SVOPL: variants seen among roughly 807,000 people sequenced by gnomAD.
The protein encoded by SVOPL is SVOP like.
Under a neutral mutation model 61.0 loss-of-function variants are expected in SVOPL, and 60 were observed. The ratio of observed to expected loss-of-function variants is 0.98; its 90% confidence interval spans 0.80 to 1.22. SVOPL has a LOEUF of 1.22. SVOPL is among the 50% of genes most tolerant of loss of function. SVOPL has a pLI of 0.00. For synonymous variants in SVOPL, 279 were observed against 250.0 expected (o/e 1.12, Z -1.09); for missense variants, 662 against 643.9 (o/e 1.03, Z -0.30).
chr7:138,618,478 C>T (rs1035450982), intron 14 of SVOPL, among the ~76,000 whole-genome samples: 4 of 151,854 alleles, frequency 2.6e-5, no homozygotes, highest in Non-Finnish European at 2.9e-5. Flanking sequence ...TGGCCAACAT[C>T]GCGAAACCCC....
intron 14 of SVOPL, among the ~76,000 whole-genome samples, chr7:138,608,863 A>G (rs1179349539): frequency 1.3e-5 from 2 of 152,324 alleles, no homozygotes; most frequent in South Asian, 4.1e-4. Flanking sequence ...AGAATGAAAG[A>G]CAAATAACAA....
At chr7:138,644,363 GAA>G (rs1012045934) in intron 9 of SVOPL, among the ~76,000 whole-genome samples, 1 of 152,064 alleles carries the variant, frequency 6.6e-6, no homozygotes, top group African/African-American at 2.4e-5. Flanking sequence ...TCAGAGATAT[GAA>G]AAAAGTCATG....
intron 4 of SVOPL, among the ~76,000 whole-genome samples, chr7:138,667,608 A>G (rs1385864163): frequency 1.3e-5 from 2 of 152,200 alleles, no homozygotes; most frequent in Non-Finnish European, 2.9e-5. Context: ...CAGACATGTA[A>G]CCATTTGCCT....
chr7:138,615,854 A>G (rs1451967602), intron 14 of SVOPL, among the ~76,000 whole-genome samples: 1 of 143,652 alleles, frequency 7.0e-6, no homozygotes, highest in Non-Finnish European at 1.5e-5. Context: ...AAATTTTTTA[A>G]AAAATAAAAC....
Position 138,678,309 on chromosome 7 carries a change from C to T in SVOPL, c.174+125G>A, listed in dbSNP as rs550859899. ...CGGTGCCCCATCCACCTTGGGCACACGTTCTCAGGACCTCCTGAGGGCTGT... is the reference window on the plus strand; with the variant it reads ...CGGTGCCCCATCCACCTTGGGCACATGTTCTCAGGACCTCCTGAGGGCTGT... On this transcript the variant is annotated intron_variant, in intron 3 of 15. Transcript: ENST00000674285. 72 of 963,426 alleles carry T rather than the reference C, an allele frequency of 7.5e-5. 1 individual carries two copies. The African/African-American group carries it at 7.9e-4, about 11-fold the overall frequency. The allele number at this position is 963,426 out of a possible 1,614,324, so 59.7% of individuals were successfully genotyped here. A position where few individuals can be genotyped will look rare whatever the true frequency, so the allele number is the denominator to read the frequency against.
Position 138,666,089 on chromosome 7 carries a change from C to T in SVOPL, c.274-2944G>A, listed in dbSNP as rs1435719095. Among the ~76,000 whole-genome samples, 6 of 152,340 alleles carry T rather than the reference C, an allele frequency of 3.9e-5. No individual in the cohort carries two copies. The East Asian group carries it at 9.6e-4, about 24-fold the overall frequency. On this transcript the variant is annotated intron_variant, in intron 4 of 15. Transcript: ENST00000674285. ...CTGTTCTACCTCGGACTGATGCCACCGTTGTTACTGATCCTTGTAGCCAAG... is the reference window on the plus strand; with the variant it reads ...CTGTTCTACCTCGGACTGATGCCACTGTTGTTACTGATCCTTGTAGCCAAG...
intron 6 of SVOPL, among the ~76,000 whole-genome samples, chr7:138,659,313 G>A (rs942727503): frequency 9.2e-5 from 14 of 152,144 alleles, no homozygotes; most frequent in African/African-American, 2.6e-4. Flanking sequence ...CCAACATGGC[G>A]AAACCCCGTC....
intron 6 of SVOPL, among the ~76,000 whole-genome samples, chr7:138,658,267 C>A (rs2117066016): frequency 6.6e-6 from 1 of 152,170 alleles, no homozygotes; most frequent in East Asian, 1.9e-4. Flanking sequence ...CACTCTAGTT[C>A]GATCCCATCT....
intron 10 of SVOPL, 80 bp from the exon 11 acceptor site, chr7:138,628,443 A>G (rs761578800): frequency 1.7e-5 from 24 of 1,431,292 alleles, no homozygotes; most frequent in Non-Finnish European, 2.2e-5. Flanking sequence ...ACCAAGTGGA[A>G]CGTGTAGCAT....
chr7:138,610,682 C>T (rs1221838647), intron 14 of SVOPL, among the ~76,000 whole-genome samples: 3 of 152,202 alleles, frequency 2.0e-5, no homozygotes, highest in Non-Finnish European at 4.4e-5. Context: ...TCCACTAGGC[C>T]TTGACCTTGC....
intron 9 of SVOPL, among the ~76,000 whole-genome samples, chr7:138,643,684 CGT>C (rs1429933859): frequency 7.1e-6 from 1 of 140,138 alleles, no homozygotes; most frequent in Non-Finnish European, 1.5e-5. Flanking sequence ...TATGATTCTA[CGT>C]GTGAGGGATC....
chr7:138,698,465 A>G (rs1163018294), intron 1 of SVOPL, among the ~76,000 whole-genome samples: 2 of 152,098 alleles, frequency 1.3e-5, no homozygotes, highest in African/African-American at 2.4e-5. Context: ...CTGGCATCTC[A>G]GGTCATGATG....
intron 7 of SVOPL, among the ~76,000 whole-genome samples, chr7:138,650,174 A>C (rs553933159): frequency 1.3e-5 from 2 of 152,274 alleles, no homozygotes; most frequent in Middle Eastern, 6.8e-3. Context: ...ATTGTACAAA[A>C]ATTTTTTAAC....
chr7:138,639,413 G>A (rs1800666616), intron 9 of SVOPL, among the ~76,000 whole-genome samples: 1 of 151,882 alleles, frequency 6.6e-6, no homozygotes, highest in Non-Finnish European at 1.5e-5. Context: ...GGCCACATGA[G>A]GTCAGGAGTT....
rs750911000 is a variant in SVOPL, at chr7:138,656,412, A to G, written c.534+36T>C. 17 of 1,607,646 alleles carry G rather than the reference A, an allele frequency of 1.1e-5. No homozygotes were observed. The South Asian group carries it at 1.8e-4, about 17-fold the overall frequency. On this transcript the variant is annotated intron_variant, in intron 7 of 15. Transcript: ENST00000674285. ...CTATATGTACATCTTATCCCATAGG[A>G]TGCCAAAGGCAGGTAGAACTCCTAC...
intron 7 of SVOPL, among the ~76,000 whole-genome samples, chr7:138,653,790 G>T (rs1294280999): frequency 6.6e-6 from 1 of 152,044 alleles, no homozygotes; most frequent in East Asian, 1.9e-4. Flanking sequence ...AAAATTAGCT[G>T]GGCGTAGTGG....
chr7:138,594,547 T>C lies in SVOPL; in HGVS notation c.*63A>G. The C allele has an allele frequency of 2.0e-6, 3 of 1,517,198 alleles. No individual in the cohort carries two copies. Among genetic ancestry groups the C allele is most frequent in the South Asian group, 2.4e-5 (2 of 81,844 alleles). The allele number at this position is 1,517,198 out of a possible 1,614,324, so 94.0% of individuals were successfully genotyped here. On this transcript the variant is annotated 3_prime_UTR_variant, in exon 16 of 16. Coordinates refer to ENST00000674285, the MANE Select transcript of SVOPL (RefSeq NM_001139456.2). Reference sequence around the variant, plus strand: ...GAAGTAAAACCAAGTTTTAAAAAAATGCACCGCAGTTCTGAAGATAGAATT... The same window carrying C: ...GAAGTAAAACCAAGTTTTAAAAAAACGCACCGCAGTTCTGAAGATAGAATT...
intron 1 of SVOPL, among the ~76,000 whole-genome samples, chr7:138,696,290 A>G (rs929692950): frequency 6.6e-6 from 1 of 151,962 alleles, no homozygotes; most frequent in African/African-American, 2.4e-5. Context: ...AGTAGCATGA[A>G]CATGGCTCAC....
At chr7:138,676,886 C>T (rs138783733) in intron 3 of SVOPL, among the ~76,000 whole-genome samples, 165 of 150,668 alleles carry the variant, frequency 1.1e-3, no homozygotes, top group African/African-American at 3.7e-3. Context: ...GGATTACCCA[C>T]CTCTTGGGGT....
Sources: gnomAD v4.1 joint callset for allele counts (sites outside exome capture counted in the v4.1 genomes callset) on GRCh38, gnomAD v4.1.1 for gene constraint, MANE v1.5 for transcripts, NCBI Gene and HGNC (gene_info 2026-07-23, HGNC 2026-07-21) for gene names.